The following SLC7A1 variants were observed in gnomAD, a reference collection of about 807,000 sequenced individuals.
SLC7A1 encodes the protein high affinity cationic amino acid transporter 1.
A neutral mutation model predicts 53.9 loss-of-function variants in SLC7A1; 10 were observed. The ratio of observed to expected loss-of-function variants is 0.19; its 90% confidence interval spans 0.11 to 0.31. SLC7A1 has a LOEUF of 0.31. Among genes scored for constraint, SLC7A1 ranks in the 10% least tolerant of loss-of-function variants. SLC7A1 has a pLI of 1.00. For missense variants in SLC7A1, 525 were observed against 827.2 expected, an observed-to-expected ratio of 0.63 and a Z score of 4.48; for synonymous variants, 342 against 338.7, an observed-to-expected ratio of 1.01 and a Z score of -0.11.
At chr13:29,547,901 G>T (rs1269216051) in intron 2 of SLC7A1, among the ~76,000 whole-genome samples, 1 of 152,210 alleles carries the variant, frequency 6.6e-6, no homozygotes, top group Non-Finnish European at 1.5e-5. Flanking sequence ...TCCACTACCT[G>T]CACCAAGTAC....
intron 4 of SLC7A1, 82 bp downstream of exon 4, chr13:29,532,737 TAAGTA>T: frequency 8.4e-7 from 1 of 1,186,402 alleles, no homozygotes; most frequent in Non-Finnish European, 1.2e-6. Context: ...GTTAAAGAGA[TAAGTA>T]AAGAAAGGAA....
At chr13:29,580,541 C>T (rs999898797) in intron 1 of SLC7A1, among the ~76,000 whole-genome samples, 4 of 152,182 alleles carry the variant, frequency 2.6e-5, no homozygotes, top group Admixed American at 1.3e-4. Flanking sequence ...GCCTTTTTCA[C>T]ACCTGGAAAC....
chr13:29,527,307 C>CT (rs1485645181), intron 5 of SLC7A1, among the ~76,000 whole-genome samples: 3 of 152,076 alleles, frequency 2.0e-5, no homozygotes, highest in African/African-American at 7.2e-5. Context: ...CATTGTAAAT[C>CT]TTTTTTAAAG....
chr13:29,588,204 G>A (rs893045122), intron 1 of SLC7A1, among the ~76,000 whole-genome samples: 5 of 152,178 alleles, frequency 3.3e-5, no homozygotes, highest in African/African-American at 1.2e-4. Flanking sequence ...AATATGGACT[G>A]TGGCCTAGAT....
At chr13:29,589,478 C>T (rs919031560) in intron 1 of SLC7A1, among the ~76,000 whole-genome samples, 12 of 152,244 alleles carry the variant, frequency 7.9e-5, no homozygotes, top group African/African-American at 2.9e-4. Flanking sequence ...CCGTCACACA[C>T]ACCGGCTCCT....
chr13:29,524,298 A>G lies in SLC7A1; in HGVS notation c.705-45T>C, dbSNP rs907697913. ...ACAAATGTCACGTCACTCGCTGCGC[A>G]GTCTGGCGTAAGGAGCTGTGCTCAT... is the stretch of plus-strand genomic sequence containing the variant. On this transcript the variant is annotated intron_variant, in intron 5 of 12. Coordinates refer to ENST00000380752, the MANE Select transcript of SLC7A1 (RefSeq NM_003045.5). 5 of 1,612,358 alleles carry G rather than the reference A, an allele frequency of 3.1e-6. No homozygotes were observed. In the African/African-American group the frequency reaches 6.7e-5, roughly 22 times the overall value.
intron 1 of SLC7A1, among the ~76,000 whole-genome samples, chr13:29,592,992 C>T (rs1020949840): frequency 6.6e-6 from 1 of 151,974 alleles, no homozygotes; most frequent in Non-Finnish European, 1.5e-5. Context: ...CTGAAGAGAC[C>T]CCCCAGATTT....
At chr13:29,560,847 C>G (rs954920089) in intron 1 of SLC7A1, among the ~76,000 whole-genome samples, 2 of 152,056 alleles carry the variant, frequency 1.3e-5, no homozygotes, top group African/African-American at 4.8e-5. Flanking sequence ...AGAGAAAATC[C>G]GGGCATAAAA....
chr13:29,568,328 A>T (rs755564695), intron 1 of SLC7A1, among the ~76,000 whole-genome samples: 6 of 152,202 alleles, frequency 3.9e-5, no homozygotes, highest in Non-Finnish European at 7.3e-5. Flanking sequence ...GCAAATTTTT[A>T]AAAAACCACG....
chr13:29,543,071 GA>G (rs1345946922), intron 2 of SLC7A1, among the ~76,000 whole-genome samples: 1 of 152,230 alleles, frequency 6.6e-6, no homozygotes, highest in Admixed American at 6.5e-5. Context: ...GGGTTTAAGA[GA>G]AATGGGCAAA....
intron 9 of SLC7A1, among the ~76,000 whole-genome samples, chr13:29,518,672 G>A (rs1324875133): frequency 1.3e-5 from 2 of 152,148 alleles, no homozygotes; most frequent in Admixed American, 1.3e-4. Flanking sequence ...CTCAGCCCGG[G>A]TTTTATGTGC....
At chr13:29,582,902 G>C (rs166828) in intron 1 of SLC7A1, among the ~76,000 whole-genome samples, 128,280 of 152,122 alleles carry the variant, frequency 0.84, 55,242 homozygotes, top group Middle Eastern at 0.96. Context: ...TATGACCTTA[G>C]CTACCTACAC....
rs771184509 is a variant in SLC7A1 at position 29,517,609 on chromosome 13, A to T, written c.1474T>A (p.Ser492Thr). ...GTTGAAATGTTCACAATTAGCCCAG[A>T]GATTTTGGAAGGCTCCATGTTTTTG... ...SPKNMEPSKI[S>T]GLIVNISTSL... The change falls in exon 10 of 13, where the codon TCT (serine) becomes ACT (threonine). Residue 492 changes from serine (S) to threonine (T), a missense_variant. By Grantham distance (58) the Ser-to-Thr change is moderately conservative. Around this residue, in one of 4 missense-constraint regions of SLC7A1, gnomAD observed 122 missense variants for 140.9 expected, o/e 0.87. Transcript: ENST00000380752. 3.7e-6 allele frequency: 6 copies of T among 1,614,236 alleles called. No homozygotes were observed. In the Admixed American group the frequency reaches 8.3e-5, roughly 22 times the overall value.
At chr13:29,535,774 C>G in intron 3 of SLC7A1, 45 bp downstream of exon 3, 3 of 1,577,090 alleles carry the variant, frequency 1.9e-6, no homozygotes, top group South Asian at 2.3e-5. Context: ...TGGGAACAAA[C>G]AGAAAAGTGG....
At chr13:29,574,013 C>T (rs1415849726) in intron 1 of SLC7A1, among the ~76,000 whole-genome samples, 2 of 152,206 alleles carry the variant, frequency 1.3e-5, no homozygotes, top group African/African-American at 4.8e-5. Flanking sequence ...AAGCCTCCTT[C>T]AACAGACCCA....
Position 29,539,743 on chromosome 13 carries a change from A to G in SLC7A1, c.-14-3541T>C, listed in dbSNP as rs115289022. ...TGGGGACAACTGGGACCCCTACAGG[A>G]GATTACTTTTACCTTGGTTACTTCT... is the stretch of plus-strand genomic sequence containing the variant. On this transcript the variant is annotated intron_variant, in intron 2 of 12. Coordinates refer to ENST00000380752, the MANE Select transcript of SLC7A1 (RefSeq NM_003045.5). Among the ~76,000 whole-genome samples, 431 of 152,208 alleles carry G rather than the reference A, an allele frequency of 2.8e-3. 1 individual carries two copies. Among genetic ancestry groups the G allele is most frequent in the African/African-American group, 9.5e-3 (396 of 41,532 alleles).
chr13:29,555,097 G>A (rs1195018842), intron 1 of SLC7A1, among the ~76,000 whole-genome samples: 1 of 151,844 alleles, frequency 6.6e-6, no homozygotes, highest in Non-Finnish European at 1.5e-5. Context: ...GGTGGCTCAC[G>A]CCTGTAATCC....
intron 1 of SLC7A1, among the ~76,000 whole-genome samples, chr13:29,595,114 G>A (rs978237403): frequency 2.0e-5 from 3 of 152,054 alleles, no homozygotes; most frequent in African/African-American, 7.2e-5. Flanking sequence ...GCGCGGAGCG[G>A]GCATCGCCAG....
intron 2 of SLC7A1, among the ~76,000 whole-genome samples, chr13:29,539,536 C>T (rs74042329): frequency 0.019 from 2,843 of 152,264 alleles, 98 homozygotes; most frequent in African/African-American, 0.065. Flanking sequence ...ATACAGATAA[C>T]GGTTTTCTAA....
Sources: allele counts gnomAD v4.1 joint callset (sites outside exome capture counted in the v4.1 genomes callset), GRCh38; gene constraint gnomAD v4.1.1; regional missense constraint gnomAD v4.1.1; transcripts MANE v1.5; gene names NCBI Gene and HGNC (gene_info 2026-07-23, HGNC 2026-07-21).